The following KIF11 variants were observed in gnomAD, a reference collection of about 807,000 sequenced individuals.
KIF11 encodes kinesin-like protein KIF11.
KIF11 carries 9 observed loss-of-function variants against 121.0 expected under a neutral mutation model. The observed-to-expected ratio is 0.07, with a 90% CI of 0.04 to 0.13. KIF11 has a LOEUF of 0.13. Ranked by LOEUF, KIF11 falls within the 10% of genes least tolerant of loss-of-function variation. KIF11 has a pLI of 1.00. For missense variants in KIF11, 846 were observed against 1,217.5 expected (o/e 0.69, Z 4.54); for synonymous variants, 408 against 421.0 (o/e 0.97, Z 0.38).
At position 92,613,220 on chromosome 10, in the gene KIF11, C is replaced by T. The variant is rs980326466; in HGVS notation, c.789+90C>T. On this transcript the variant is annotated intron_variant, in intron 7 of 21. Coordinates refer to ENST00000260731, the MANE Select transcript of KIF11 (RefSeq NM_004523.4). The surrounding 1 kb of genome is among the most constrained non-coding windows in gnomAD (Gnocchi z 4.2). ...GTCCTTGAGACAAAATTTTTGTGGT[C>T]ACTGGGTGATTAGCTTTGTAGTGGG... 6 of 1,155,574 alleles carry T rather than the reference C, an allele frequency of 5.2e-6. No homozygotes were observed. The Admixed American group carries it at 1.0e-4, about 20-fold the overall frequency. 71.6% of individuals were successfully genotyped at this position (1,155,574 alleles called of 1,614,324 possible).
chr10:92,647,717 TG>T (rs1219132107), intron 18 of KIF11, among the ~76,000 whole-genome samples: 1 of 152,216 alleles, frequency 6.6e-6, no homozygotes, highest in African/African-American at 2.4e-5. Flanking sequence ...CCAGTCCTGT[TG>T]GTAAATGTCT....
chr10:92,593,577 T>G (rs1418366854), intron 1 of KIF11, 125 bp downstream of exon 1: 1 of 769,108 alleles, frequency 1.3e-6, no homozygotes, highest in African/African-American at 1.8e-5. Flanking sequence ...TTCTCCGCGT[T>G]CTGTTCAATA....
chr10:92,594,197 T>G (rs1160395744), intron 1 of KIF11, among the ~76,000 whole-genome samples: 1 of 152,240 alleles, frequency 6.6e-6, no homozygotes, highest in African/African-American at 2.4e-5. Flanking sequence ...TGTGTGTCCG[T>G]TTTTGTGGCT....
At chr10:92,624,883 C>T (rs529317084) in intron 10 of KIF11, among the ~76,000 whole-genome samples, 3 of 151,600 alleles carry the variant, frequency 2.0e-5, no homozygotes, top group East Asian at 3.9e-4. Context: ...AAGTCTCCTA[C>T]CTCCGCCTCC....
At chr10:92,616,628 A>G in intron 8 of KIF11, 109 bp from the exon 9 acceptor site, 1 of 561,284 alleles carries the variant, frequency 1.8e-6, no homozygotes. Flanking sequence ...TTAAAATTAG[A>G]TATAACTATA....
At chr10:92,612,072 C>T (rs537637892) in intron 6 of KIF11, among the ~76,000 whole-genome samples, 11 of 144,244 alleles carry the variant, frequency 7.6e-5, no homozygotes, top group African/African-American at 3.2e-4. Flanking sequence ...AATTTTTTTT[C>T]CCCCTAAGAT....
intron 21 of KIF11, among the ~76,000 whole-genome samples, chr10:92,652,953 C>T (rs772645744): frequency 6.6e-6 from 1 of 152,078 alleles, no homozygotes; most frequent in Non-Finnish European, 1.5e-5. Flanking sequence ...ACTGAGTGTA[C>T]AATGAATGTC....
At chr10:92,609,266 CAGAGAGAGAGAGAGAGAGAGAGAG>C in intron 5 of KIF11, 61 bp downstream of exon 5, 2 of 744,898 alleles carry the variant, frequency 2.7e-6, no homozygotes, top group East Asian at 6.3e-5. Context: ...TTTGAGAAGT[CAGAGAGAGAGAGAGAGAGAGAGAG>C]AGAGAGAGAG....
At chr10:92,626,583 C>G (rs1844679749) in intron 10 of KIF11, among the ~76,000 whole-genome samples, 1 of 152,118 alleles carries the variant, frequency 6.6e-6, no homozygotes, top group African/African-American at 2.4e-5. Flanking sequence ...CTACAGCCAA[C>G]ATTTAAAACA....
intron 10 of KIF11, among the ~76,000 whole-genome samples, chr10:92,625,153 G>A (rs187076417): frequency 2.0e-5 from 3 of 152,108 alleles, no homozygotes; most frequent in Admixed American, 1.3e-4. Flanking sequence ...GCATATAAGC[G>A]TTCCCTTTTC....
chr10:92,625,816 T>C (rs1844670255), intron 10 of KIF11, among the ~76,000 whole-genome samples: 1 of 152,126 alleles, frequency 6.6e-6, no homozygotes, highest in Admixed American at 6.6e-5. Flanking sequence ...AAGAATGCAA[T>C]TCCATTCACA....
intron 4 of KIF11, among the ~76,000 whole-genome samples, chr10:92,607,805 T>A (rs947359209): frequency 9.2e-5 from 14 of 151,876 alleles, no homozygotes; most frequent in Admixed American, 6.6e-4. Context: ...TTAAAACTTT[T>A]AAAAAAAAGT....
rs996445081 is a variant in KIF11, at chr10:92,649,875, A to G, written c.2811A>G (p.Thr937=). ...PQRKSYLYPS[T]LVRTEPREHL... is the part of the protein sequence containing the mutation. ...GGAAAAGTTATTTATACCCATCAAC[A>G]CTGGTAAGAACTGAACCACGTGAAC... Residue 937 remains threonine (T), a synonymous_variant, in exon 20 of 22, where the codon ACA becomes ACG. Transcript: ENST00000260731. 4 of 1,612,356 alleles carry G rather than the reference A, an allele frequency of 2.5e-6. No individual in the cohort carries two copies. Among genetic ancestry groups the G allele is most frequent in the Admixed American group, 3.3e-5 (2 of 59,994 alleles).
At chr10:92,631,742 C>G (rs1462089917) in intron 12 of KIF11, among the ~76,000 whole-genome samples, 1 of 151,732 alleles carries the variant, frequency 6.6e-6, no homozygotes, top group African/African-American at 2.4e-5. Context: ...GTGGCATCAT[C>G]TCAGTTCACT....
chr10:92,606,402 C>T lies in KIF11; in HGVS notation c.210+5C>T. ...AAAACATACACTTTTGATATGGTAA[C>T]ATATGGTGCAATTTCTTTATTATCC... On this transcript the variant is annotated splice_donor_5th_base_variant and intron_variant, in intron 2 of 21. Transcript: ENST00000260731. 1 of 1,584,456 alleles carries T rather than the reference C, an allele frequency of 6.3e-7. No individual in the cohort carries two copies. Among genetic ancestry groups the T allele is most frequent in the Non-Finnish European group, 8.5e-7 (1 of 1,171,172 alleles).
rs764844734 is a variant in KIF11 at position 92,593,401 on chromosome 10, C to G, written c.26C>G (p.Ala9Gly). Reference protein sequence around the residue: MASQPNSSAKKKEEKGKNI... With the variant: MASQPNSSGKKKEEKGKNI... The stretch of plus-strand genomic sequence containing the variant: ...ATGGCGTCGCAGCCAAATTCGTCTG[C>G]GAAGAAGAAAGAGGAGAAGGGGAAG... Residue 9 changes from alanine to glycine, a missense_variant, in exon 1 of 22, where the codon GCG (alanine) becomes GGG (glycine). Physicochemically the swap from Ala to Gly is moderately conservative, Grantham distance 60. Coordinates refer to ENST00000260731, the MANE Select transcript of KIF11 (RefSeq NM_004523.4). The G allele has an allele frequency of 1.1e-5, 17 of 1,610,710 alleles. No individual in the cohort carries two copies. The highest frequency in any genetic ancestry group is 8.4e-5 in the Admixed American group (5 of 59,324).
chr10:92,609,266 C>CAGAGAGAGAG (rs3835295), intron 5 of KIF11, 61 bp downstream of exon 5: 3 of 747,432 alleles, frequency 4.0e-6, no homozygotes, highest in Admixed American at 2.9e-5. Flanking sequence ...TTTGAGAAGT[C>CAGAGAGAGAG]AGAGAGAGAG....
chr10:92,613,012 G>T lies in KIF11; in HGVS notation c.699-28G>T. The T allele has an allele frequency of 1.5e-6, 2 of 1,344,120 alleles. No homozygotes were observed. The highest frequency in any genetic ancestry group is 1.2e-5 in the South Asian group (1 of 82,638). 83.3% of individuals were successfully genotyped at this position (1,344,120 alleles called of 1,614,324 possible). A position where few individuals can be genotyped will look rare whatever the true frequency, so the allele number is the denominator to read the frequency against. On this transcript the variant is annotated intron_variant, in intron 6 of 21. Transcript: ENST00000260731. The surrounding 1 kb of genome is among the most constrained non-coding windows in gnomAD (Gnocchi z 4.2). Reference sequence around the variant, plus strand: ...AGCAAATGCTATTTTACATTATAATGACTGGGCAACTTGATATTGTTTTCT... The same window carrying T: ...AGCAAATGCTATTTTACATTATAATTACTGGGCAACTTGATATTGTTTTCT...
chr10:92,604,583 C>G (rs1844409298), intron 1 of KIF11, among the ~76,000 whole-genome samples: 1 of 152,044 alleles, frequency 6.6e-6, no homozygotes, highest in Admixed American at 6.6e-5. Flanking sequence ...GTTAAGTTTC[C>G]TAGGATCACA....
Sources: gnomAD v4.1 joint callset for allele counts (sites outside exome capture counted in the v4.1 genomes callset) on GRCh38, gnomAD v4.1.1 for gene constraint, Gnocchi (gnomAD v3.1) non-coding constraint, MANE v1.5 for transcripts, NCBI Gene and HGNC (gene_info 2026-07-23, HGNC 2026-07-21) for gene names.